The following EYS variants were observed in gnomAD, a reference collection of about 807,000 sequenced individuals.
EYS encodes the protein protein eyes shut homolog.
EYS carries 250 observed loss-of-function variants against 282.1 expected under a neutral mutation model. The observed-to-expected ratio is 0.89, with a 90% CI of 0.80 to 0.98. The LOEUF (loss-of-function observed/expected upper bound fraction) is 0.98, where lower values mean the gene tolerates loss of function less well. EYS is among the 50% of genes least tolerant of loss of function. The pLI, the probability that EYS is intolerant of heterozygous loss-of-function variation, is 0.00. For missense variants in EYS, 4,016 were observed against 3,709.0 expected (o/e 1.08, Z -2.15); for synonymous variants, 1,355 against 1,282.9 (o/e 1.06, Z -1.20).
intron 31 of EYS, among the ~76,000 whole-genome samples, chr6:64,111,694 C>G (rs1582284568): frequency 6.6e-6 from 1 of 152,118 alleles, no homozygotes; most frequent in African/African-American, 2.4e-5. Flanking sequence ...ATAGTAGTAC[C>G]AATCTTCCCA....
intron 31 of EYS, among the ~76,000 whole-genome samples, chr6:64,204,379 GA>G (rs1328617462): frequency 6.6e-6 from 1 of 152,052 alleles, no homozygotes; most frequent in Non-Finnish European, 1.5e-5. Context: ...CAAGAAAAAT[GA>G]AAATACATGT....
chr6:64,081,753 G>A (rs755142534), intron 32 of EYS, 103 bp downstream of exon 32: 1 of 1,032,014 alleles, frequency 9.7e-7, no homozygotes, highest in Non-Finnish European at 1.4e-6. Flanking sequence ...CACTGGTCTG[G>A]AAAAATTCTC....
In EYS at chr6:64,626,121, CT is replaced by C. The variant is rs1767601116; in HGVS notation, c.3567del (p.Gly1190AspfsTer39). ...TGCTTATTATTTTTAAAATAATTAC[CT>C]GGTTGGCATTTGCAAACATATCCAT... ...HINGYVCKCQ[P>X]GWSGHHCENE... On this transcript the variant is annotated frameshift_variant and splice_region_variant, in exon 23 of 43. Transcript: ENST00000503581. LOFTEE classifies it high-confidence loss of function. The C allele has an allele frequency of 1.3e-6, 2 of 1,522,760 alleles. No individual in the cohort carries two copies. Among genetic ancestry groups the C allele is most frequent in the Non-Finnish European group, 1.8e-6 (2 of 1,127,574 alleles). The allele number at this position is 1,522,760 out of a possible 1,614,324, so 94.3% of individuals were successfully genotyped here. A position where few individuals can be genotyped will look rare whatever the true frequency, so the allele number is the denominator to read the frequency against.
At chr6:64,761,891 A>T (rs187440102) in intron 22 of EYS, among the ~76,000 whole-genome samples, 6 of 152,342 alleles carry the variant, frequency 3.9e-5, no homozygotes, top group Admixed American at 3.9e-4. Flanking sequence ...ACACATAAAA[A>T]TTACCTTTTG....
chr6:64,269,469 C>A (rs961599432), intron 30 of EYS, among the ~76,000 whole-genome samples: 1 of 151,714 alleles, frequency 6.6e-6, no homozygotes, highest in African/African-American at 2.4e-5. Context: ...GATAGTTATC[C>A]CTCTAGGTAA....
intron 15 of EYS, 25 bp from the exon 16 acceptor site, chr6:64,912,768 A>T (rs1562255773): frequency 7.6e-7 from 1 of 1,310,786 alleles, no homozygotes; most frequent in African/African-American, 1.5e-5. Flanking sequence ...TAAAATTTTT[A>T]GAAGTGTGAA....
intron 33 of EYS, among the ~76,000 whole-genome samples, chr6:64,020,118 G>A (rs1446784821): frequency 6.6e-6 from 1 of 151,992 alleles, no homozygotes; most frequent in Admixed American, 6.5e-5. Flanking sequence ...AGTAATAACA[G>A]TTAGGTAGAA....
intron 30 of EYS, among the ~76,000 whole-genome samples, chr6:64,258,689 G>T (rs1383156760): frequency 2.6e-5 from 4 of 152,018 alleles, no homozygotes; most frequent in African/African-American, 9.7e-5. Flanking sequence ...GTATAAAGAA[G>T]AAAATGTCTC....
At chr6:64,329,722 G>A (rs1254130036) in intron 29 of EYS, among the ~76,000 whole-genome samples, 1 of 152,090 alleles carries the variant, frequency 6.6e-6, no homozygotes, top group African/African-American at 2.4e-5. Flanking sequence ...ATAGAAAGAT[G>A]TGCCTCTTCT....
At chr6:63,925,382 T>C (rs1764687244) in intron 35 of EYS, among the ~76,000 whole-genome samples, 1 of 152,250 alleles carries the variant, frequency 6.6e-6, no homozygotes, top group Non-Finnish European at 1.5e-5. Context: ...TCCTAGGTAG[T>C]AGAAAATTTT....
intron 14 of EYS, 117 bp downstream of exon 14, chr6:64,997,465 A>C (rs1386562689): frequency 1.1e-6 from 1 of 893,742 alleles, no homozygotes; most frequent in Admixed American, 3.2e-5. Context: ...TTGAGAAGTA[A>C]GCATATGTAA....
chr6:65,113,041 A>G (rs1191374185), intron 12 of EYS, among the ~76,000 whole-genome samples: 1 of 152,068 alleles, frequency 6.6e-6, no homozygotes, highest in Non-Finnish European at 1.5e-5. Context: ...AAAATTGCCC[A>G]CATAATATAA....
intron 19 of EYS, among the ~76,000 whole-genome samples, chr6:64,835,894 A>G (rs2172886): frequency 0.72 from 108,576 of 151,322 alleles, 39,238 homozygotes; most frequent in Admixed American, 0.77. Context: ...AATCAGTAAG[A>G]CCTAAATTAA....
At chr6:64,190,879 G>A (rs1292343395) in intron 31 of EYS, among the ~76,000 whole-genome samples, 1 of 152,070 alleles carries the variant, frequency 6.6e-6, no homozygotes, top group East Asian at 1.9e-4. Flanking sequence ...TATGTCGCTG[G>A]CTAGAACTAT....
chr6:63,904,474 T>A (rs1271710013), intron 35 of EYS, among the ~76,000 whole-genome samples: 1 of 152,166 alleles, frequency 6.6e-6, no homozygotes, highest in Non-Finnish European at 1.5e-5. Context: ...GCATGCACAC[T>A]CAACCTGGGA....
At chr6:65,659,258 G>T (rs866374845) in intron 1 of EYS, among the ~76,000 whole-genome samples, 2 of 151,414 alleles carry the variant, frequency 1.3e-5, no homozygotes, top group Non-Finnish European at 3.0e-5. Context: ...TTTTTTCCAG[G>T]ATTAACAAAA....
At chr6:64,635,453 G>A (rs1192646635) in intron 22 of EYS, among the ~76,000 whole-genome samples, 8 of 152,160 alleles carry the variant, frequency 5.3e-5, no homozygotes, top group Non-Finnish European at 7.3e-5. Context: ...GATACTGGCT[G>A]TGGGTTTGTC....
At chr6:65,678,237 G>GCCCCC (rs1768693935) in intron 1 of EYS, among the ~76,000 whole-genome samples, 2 of 151,916 alleles carry the variant, frequency 1.3e-5, no homozygotes, top group Non-Finnish European at 2.9e-5. Flanking sequence ...ATTAATGAGG[G>GCCCCC]ATCTGCCCCC....
intron 31 of EYS, among the ~76,000 whole-genome samples, chr6:64,167,146 G>T (rs549376310): frequency 6.6e-6 from 1 of 152,210 alleles, no homozygotes; most frequent in South Asian, 2.1e-4. Context: ...TTCTATTAAT[G>T]GTTATGCAAG....
Sources: gnomAD v4.1 joint callset for allele counts (sites outside exome capture counted in the v4.1 genomes callset) on GRCh38, gnomAD v4.1.1 for gene constraint, MANE v1.5 for transcripts, NCBI Gene and HGNC (gene_info 2026-07-23, HGNC 2026-07-21) for gene names.